Variants in COL18A1 observed in about 807,000 individuals in gnomAD.
The protein encoded by COL18A1 is collagen type XVIII alpha 1 chain, also known as collagen alpha-1(XVIII) chain.
A neutral mutation model predicts 168.0 loss-of-function variants in COL18A1; 133 were observed. The ratio of observed to expected loss-of-function variants is 0.79; its 90% CI spans 0.69 to 0.91. The LOEUF is 0.91. COL18A1 is among the 40% of genes least tolerant of loss of function. The pLI is 0.00. For synonymous variants in COL18A1, 949 were observed against 809.0 expected, an observed-to-expected ratio of 1.17 and a Z score of -2.94; for missense variants, 2,126 against 1,925.4, an observed-to-expected ratio of 1.10 and a Z score of -1.95.
At chr21:45,435,894 C>T (rs2034083182) in intron 2 of COL18A1, among the ~76,000 whole-genome samples, 1 of 152,186 alleles carries the variant, frequency 6.6e-6, no homozygotes, top group Non-Finnish European at 1.5e-5. Context: ...ATCAGTAACT[C>T]CGTGTGCCCC....
chr21:45,503,225 G>A (rs1467974664), intron 32 of COL18A1, among the ~76,000 whole-genome samples: 22 of 152,174 alleles, frequency 1.4e-4, no homozygotes, highest in East Asian at 5.8e-4. Context: ...CATCCTCTCC[G>A]GCACCTGTTG....
At chr21:45,486,829 G>A (rs770168059) in intron 15 of COL18A1, 32 bp from the exon 16 acceptor site, 54 of 1,528,004 alleles carry the variant, frequency 3.5e-5, no homozygotes, top group Admixed American at 6.1e-5. Flanking sequence ...GGGCTGGGCT[G>A]GGTCCTGACA....
rs74747234 is a variant in COL18A1 at position 45,457,689 on chromosome 21, T to C, written c.107-10553T>C. On this transcript the variant is annotated intron_variant, in intron 2 of 41. Coordinates refer to ENST00000651438, the MANE Select transcript of COL18A1 (RefSeq NM_001379500.1). This position sits in a 1 kb window ranked among gnomAD's most constrained non-coding sequence, Gnocchi z 4.6. Reference sequence around the variant, plus strand: ...TGTGCCTGCCCCATTCAGATTCTGCTTGCTATGTGCACCTGGCAGCCTTGG... The same window carrying C: ...TGTGCCTGCCCCATTCAGATTCTGCCTGCTATGTGCACCTGGCAGCCTTGG... 0.028 allele frequency among the ~76,000 whole-genome samples: 4,302 copies of C among 152,302 alleles called. 216 individuals carry two copies. The highest frequency in any genetic ancestry group is 0.098 in the African/African-American group (4,055 of 41,560).
At chr21:45,504,077 T>TGG in intron 33 of COL18A1, 23 bp downstream of exon 33, 1 of 1,613,242 alleles carries the variant, frequency 6.2e-7, no homozygotes, top group Non-Finnish European at 8.5e-7. Flanking sequence ...CCTGTGGGGT[T>TGG]GGGGGCCCCC....
At chr21:45,472,067 G>T (rs1009575989) in intron 3 of COL18A1, among the ~76,000 whole-genome samples, 1 of 152,166 alleles carries the variant, frequency 6.6e-6, no homozygotes, top group African/African-American at 2.4e-5. Flanking sequence ...AGAGCGCTGT[G>T]GCCACCTGTG....
At chr21:45,481,371 C>G (rs3818656) in intron 13 of COL18A1, among the ~76,000 whole-genome samples, 4 of 151,818 alleles carry the variant, frequency 2.6e-5, no homozygotes, top group Non-Finnish European at 2.9e-5. Context: ...CAGGTCATGA[C>G]TGGCAGCAGG....
At position 45,468,707 on chromosome 21, in the gene COL18A1, C is replaced by T; in HGVS notation, c.572C>T (p.Ser191Phe). Residue 191 changes from serine to phenylalanine, a missense_variant, in exon 3 of 42, where the codon TCC becomes TTC. By Grantham distance (155) the Ser-to-Phe change is radical (BLOSUM62 -2). Coordinates refer to ENST00000651438, the MANE Select transcript of COL18A1 (RefSeq NM_001379500.1). ...EEFQRMPLAR[S>F]SRGLELEPGA... ...TTCCAGAGAATGCCGCTTGCTCGGT[C>T]CTCACGGGGCCTGGAGCTGGAGCCT... is the stretch of plus-strand genomic sequence containing the variant. 6.2e-7 allele frequency: 1 copy of T among 1,612,994 alleles called. No homozygotes were observed. The highest frequency in any genetic ancestry group is 8.5e-7 in the Non-Finnish European group (1 of 1,179,962).
intron 32 of COL18A1, among the ~76,000 whole-genome samples, chr21:45,503,243 A>G (rs938493485): frequency 1.3e-5 from 2 of 151,202 alleles, no homozygotes; most frequent in African/African-American, 4.9e-5. Context: ...TTGTTTCCTT[A>G]CTTTTTAACG....
At chr21:45,409,156 C>T (rs569741802) in intron 2 of COL18A1, among the ~76,000 whole-genome samples, 33 of 152,248 alleles carry the variant, frequency 2.2e-4, no homozygotes, top group Admixed American at 9.8e-4. Flanking sequence ...AGCTGCCACC[C>T]TCCAGGCTGT....
chr21:45,488,452 A>G lies in COL18A1; in HGVS notation c.1923+8A>G. 6.2e-7 allele frequency: 1 copy of G among 1,613,872 alleles called. No individual in the cohort carries two copies. The highest frequency in any genetic ancestry group is 8.5e-7 in the Non-Finnish European group (1 of 1,179,984). On this transcript the variant is annotated splice_region_variant and intron_variant, in intron 18 of 41. Coordinates refer to ENST00000651438, the MANE Select transcript of COL18A1 (RefSeq NM_001379500.1). Reference sequence around the variant, plus strand: ...GGCCTGCCGGGACTTAAGGTCAGTGACGGATATGTCTGGGTTTCTGTGGTT... The same window carrying G: ...GGCCTGCCGGGACTTAAGGTCAGTGGCGGATATGTCTGGGTTTCTGTGGTT...
chr21:45,436,104 C>T (rs559948624), intron 2 of COL18A1, among the ~76,000 whole-genome samples: 3 of 152,318 alleles, frequency 2.0e-5, no homozygotes, highest in Admixed American at 2.0e-4. Flanking sequence ...CAGACAGTAT[C>T]CTCTGTGAGC....
intron 2 of COL18A1, among the ~76,000 whole-genome samples, chr21:45,433,527 G>A (rs996323211): frequency 2.0e-5 from 3 of 152,218 alleles, no homozygotes; most frequent in African/African-American, 4.8e-5. Flanking sequence ...TCCAACAGAT[G>A]CCGGCCCAGG....
chr21:45,481,506 G>T (rs1279122730), intron 13 of COL18A1, among the ~76,000 whole-genome samples: 1 of 152,230 alleles, frequency 6.6e-6, no homozygotes, highest in African/African-American at 2.4e-5. Flanking sequence ...ACATGCCCCT[G>T]CCTCCGTAAC....
intron 2 of COL18A1, among the ~76,000 whole-genome samples, chr21:45,454,167 T>C (rs2034721985): frequency 6.6e-6 from 1 of 152,096 alleles, no homozygotes. Flanking sequence ...GATGTTTGCT[T>C]GTGGAATGCC....
chr21:45,469,877 C>T (rs894351868), intron 3 of COL18A1, among the ~76,000 whole-genome samples: 2 of 152,198 alleles, frequency 1.3e-5, no homozygotes, highest in South Asian at 2.1e-4. Context: ...GCTCAGGAGC[C>T]GCTAGGACGT....
rs1344415134 is a variant in COL18A1 at position 45,498,068 on chromosome 21, G to T, written c.2683+407G>T. The stretch of plus-strand genomic sequence containing the variant: ...TTCATGTGGGAAGGAGGCGTTGCCC[G>T]ACAGGCCGTCTGGAGGGTGAGCCCA... On this transcript the variant is annotated intron_variant, in intron 32 of 41. Coordinates refer to ENST00000651438, the MANE Select transcript of COL18A1 (RefSeq NM_001379500.1). The surrounding 1 kb of genome is among the most constrained non-coding windows in gnomAD (Gnocchi z 4.5). The T allele has an allele frequency of 3.3e-6, 2 of 607,318 alleles. No individual in the cohort carries two copies. The highest frequency in any genetic ancestry group is 5.5e-5 in the East Asian group (2 of 36,562). 37.6% of individuals were successfully genotyped at this position (607,318 alleles called of 1,614,324 possible).
At chr21:45,492,122 C>G (rs547063251) in intron 22 of COL18A1, among the ~76,000 whole-genome samples, 1 of 152,144 alleles carries the variant, frequency 6.6e-6, no homozygotes, top group East Asian at 1.9e-4. Context: ...GAGGGCTTGC[C>G]CCAGCACGGC....
At chr21:45,472,226 T>G (rs1489505612) in intron 3 of COL18A1, among the ~76,000 whole-genome samples, 3 of 151,616 alleles carry the variant, frequency 2.0e-5, no homozygotes. Context: ...CAGTTTTTTT[T>G]TTTTGTTTTT....
intron 39 of COL18A1, 74 bp from the exon 40 acceptor site, chr21:45,509,990 G>C (rs889934982): frequency 2.0e-6 from 3 of 1,491,200 alleles, no homozygotes; most frequent in South Asian, 2.4e-5. Context: ...GTGCGGGGCC[G>C]GGGTGGTGCG....
Sources: gnomAD v4.1 joint callset for allele counts (sites outside exome capture counted in the v4.1 genomes callset) on GRCh38, gnomAD v4.1.1 for gene constraint, Gnocchi (gnomAD v3.1) non-coding constraint, MANE v1.5 for transcripts, NCBI Gene and HGNC (gene_info 2026-07-23, HGNC 2026-07-21) for gene names.